The following RPS6KA6 variants were observed in gnomAD, a reference collection of about 807,000 sequenced individuals.
The protein encoded by RPS6KA6 is ribosomal protein S6 kinase A6.
RPS6KA6 carries 27 observed loss-of-function variants against 65.4 expected under a neutral mutation model. The observed-to-expected ratio is 0.41, with a 90% CI of 0.30 to 0.57. The LOEUF is 0.57. Ranked by LOEUF, RPS6KA6 falls within the 20% of genes least tolerant of loss-of-function variation. The pLI is 0.24. For missense variants in RPS6KA6, 486 were observed against 555.6 expected (o/e 0.87, Z 1.26); for synonymous variants, 190 against 184.2 (o/e 1.03, Z -0.26).
chrX:84,065,134 GTATA>G, intron 20 of RPS6KA6, 23 bp from the exon 21 acceptor site: 3 of 1,064,365 alleles, frequency 2.8e-6, no homozygotes, highest in Non-Finnish European at 3.9e-6. Context: ...AAATGTGTGT[GTATA>G]TATATATACA....
chrX:84,127,019 A>T (rs2147493857), intron 8 of RPS6KA6, among the ~76,000 whole-genome samples: 1 of 111,858 alleles, frequency 8.9e-6, no homozygotes, highest in African/African-American at 3.2e-5. Flanking sequence ...TGAGGAAAAT[A>T]ATATAAAAGA....
In RPS6KA6 at chrX:84,164,407, A is replaced by T. The variant is rs1210739001; in HGVS notation, c.82-20T>A. ...ATTTACCTGAAAAACATTGTTCAAA[A>T]ATTGAGGTTCAAAAGTATTAAAACA... On this transcript the variant is annotated intron_variant, in intron 1 of 21. Coordinates refer to ENST00000262752, the MANE Select transcript of RPS6KA6 (RefSeq NM_014496.5). The T allele has an allele frequency of 3.5e-6, 4 of 1,129,962 alleles. No individual in the cohort carries two copies. Among genetic ancestry groups the T allele is most frequent in the Non-Finnish European group, 4.8e-6 (4 of 825,452 alleles). The allele number at this position is 1,129,962 out of a possible 1,213,427, so 93.1% of individuals were successfully genotyped here.
At chrX:84,085,702 TAGGG>T (rs1325863319) in intron 20 of RPS6KA6, among the ~76,000 whole-genome samples, 2 of 112,065 alleles carry the variant, frequency 1.8e-5, no homozygotes, top group Non-Finnish European at 3.8e-5. Context: ...TAAAATGAGT[TAGGG>T]AGGAGTCCCT....
At chrX:84,184,864 T>G in intron 1 of RPS6KA6, among the ~76,000 whole-genome samples, 1 of 103,591 alleles carries the variant, frequency 9.7e-6, no homozygotes, top group Admixed American at 1.0e-4. Flanking sequence ...CTAACTTGCT[T>G]AAATAAAAAC....
intron 20 of RPS6KA6, among the ~76,000 whole-genome samples, chrX:84,071,404 T>G (rs766002836): frequency 1.8e-5 from 2 of 111,059 alleles, no homozygotes; most frequent in African/African-American, 6.5e-5. Context: ...ACAGAGTATT[T>G]AGAAGCACCT....
chrX:84,065,127 T>C lies in RPS6KA6; in HGVS notation c.1972-16A>G. The C allele has an allele frequency of 8.9e-7, 1 of 1,127,326 alleles. No individual in the cohort carries two copies. Among genetic ancestry groups the C allele is most frequent in the Non-Finnish European group, 1.2e-6 (1 of 827,206 alleles). 92.9% of individuals were successfully genotyped at this position (1,127,326 alleles called of 1,213,427 possible). ...AAAGCAAATCCTAAATTAAAAAAAA[T>C]GTGTGTGTATATATATATACATGTA... On this transcript the variant is annotated splice_polypyrimidine_tract_variant and intron_variant, in intron 20 of 21. Transcript: ENST00000262752.
rs769518449 is a variant in RPS6KA6, at chrX:84,102,387, T to G, written c.1615-189A>C. Reference sequence around the variant, plus strand: ...TACACAGGAAATTATGTCTGTCAGATAGATGTTCCAGTTTCTATTGTCTCA... The same window carrying G: ...TACACAGGAAATTATGTCTGTCAGAGAGATGTTCCAGTTTCTATTGTCTCA... On this transcript the variant is annotated intron_variant, in intron 17 of 21. Coordinates refer to ENST00000262752, the MANE Select transcript of RPS6KA6 (RefSeq NM_014496.5). Among the ~76,000 whole-genome samples, 70 of 111,006 alleles carry G rather than the reference T, an allele frequency of 6.3e-4. 1 individual carries two copies. The highest frequency in any genetic ancestry group is 1.0e-3 in the Non-Finnish European group (55 of 52,713).
Position 84,121,537 on chromosome X carries a change from G to A in RPS6KA6, c.647-1510C>T, listed in dbSNP as rs765012061. On this transcript the variant is annotated intron_variant, in intron 8 of 21. Coordinates refer to ENST00000262752, the MANE Select transcript of RPS6KA6 (RefSeq NM_014496.5). Reference sequence around the variant, plus strand: ...GCCCCTTGCCTCCTTTTCCCCATAAGTTCTGTGGTTTATATACTATGGATT... The same window carrying A: ...GCCCCTTGCCTCCTTTTCCCCATAAATTCTGTGGTTTATATACTATGGATT... Among the ~76,000 whole-genome samples, 7 of 111,909 alleles carry A rather than the reference G, an allele frequency of 6.3e-5. No homozygotes were observed. In the East Asian group the frequency reaches 2.0e-3, roughly 31 times the overall value.
At chrX:84,084,376 T>A (rs1423997989) in intron 20 of RPS6KA6, among the ~76,000 whole-genome samples, 2 of 112,006 alleles carry the variant, frequency 1.8e-5, no homozygotes, top group Non-Finnish European at 3.8e-5. Context: ...CCATCTAGAG[T>A]TAATTTTTGT....
chrX:84,165,191 GA>G (rs2035577805), intron 1 of RPS6KA6, among the ~76,000 whole-genome samples: 1 of 109,637 alleles, frequency 9.1e-6, no homozygotes, highest in South Asian at 3.9e-4. Context: ...GCCAAACACT[GA>G]ACTAAGATGT....
In RPS6KA6 at chrX:84,180,016, T is replaced by C. The variant is rs184402925; in HGVS notation, c.81+7803A>G. ...CAATTAGTACAATTTCTTTAACACA[T>C]ACACCAAACCTCTCTCATTTTAAGA... On this transcript the variant is annotated intron_variant, in intron 1 of 21. Coordinates refer to ENST00000262752, the MANE Select transcript of RPS6KA6 (RefSeq NM_014496.5). Among the ~76,000 whole-genome samples the C allele has an allele frequency of 2.1e-3, 240 of 111,777 alleles. 1 individual carries two copies. The highest frequency in any genetic ancestry group is 7.3e-3 in the African/African-American group (227 of 30,902).
intron 6 of RPS6KA6, among the ~76,000 whole-genome samples, chrX:84,138,445 C>T (rs1041426400): frequency 2.7e-5 from 3 of 110,344 alleles, no homozygotes; most frequent in Admixed American, 9.7e-5. Flanking sequence ...CCAAGCTATT[C>T]GGGAGGCGGA....
chrX:84,107,719 A>G lies in RPS6KA6; in HGVS notation c.1015T>C (p.Tyr339His), dbSNP rs1158794270. The G allele has an allele frequency of 1.8e-6, 2 of 1,114,541 alleles. No individual in the cohort carries two copies. The highest frequency in any genetic ancestry group is 1.9e-5 in the South Asian group (1 of 52,162). 91.9% of individuals were successfully genotyped at this position (1,114,541 alleles called of 1,213,427 possible). A position where few individuals can be genotyped will look rare whatever the true frequency, so the allele number is the denominator to read the frequency against. ...AAAGGAGGTTGAACTTCTCTTTTAT[A>G]TAATTTCTAGAAGGGACAACCAGAT... ...FFANIDWDKL[Y>H]KREVQPPFKP... Residue 339 changes from tyrosine (Y) to histidine (H), a missense_variant, in exon 13 of 22, where the codon TAT becomes CAT. Coordinates refer to ENST00000262752, the MANE Select transcript of RPS6KA6 (RefSeq NM_014496.5).
chrX:84,160,006 T>G (rs1472350402), intron 2 of RPS6KA6, among the ~76,000 whole-genome samples: 6 of 111,221 alleles, frequency 5.4e-5, no homozygotes, highest in African/African-American at 2.0e-4. Context: ...TTTCTGCTGT[T>G]TAAGCCACCC....
chrX:84,162,839 C>A (rs1473923804), intron 2 of RPS6KA6, among the ~76,000 whole-genome samples: 1 of 111,997 alleles, frequency 8.9e-6, no homozygotes, highest in Non-Finnish European at 1.9e-5. Flanking sequence ...GTAGACAAAT[C>A]TCTAGATAAT....
chrX:84,168,075 T>C, intron 1 of RPS6KA6, among the ~76,000 whole-genome samples: 1 of 111,807 alleles, frequency 8.9e-6, no homozygotes, highest in Non-Finnish European at 1.9e-5. Flanking sequence ...CATTATCTTA[T>C]TTGATCTCTC....
intron 1 of RPS6KA6, among the ~76,000 whole-genome samples, chrX:84,174,540 C>T (rs1407154100): frequency 8.9e-6 from 1 of 111,799 alleles, no homozygotes; most frequent in East Asian, 2.8e-4. Flanking sequence ...GTTGTAAAAG[C>T]AGTTAGCTGG....
intron 20 of RPS6KA6, among the ~76,000 whole-genome samples, chrX:84,070,432 T>C (rs745983829): frequency 9.1e-6 from 1 of 110,438 alleles, no homozygotes; most frequent in African/African-American, 3.3e-5. Flanking sequence ...TTAGGACAGA[T>C]ACCTAATGCT....
intron 5 of RPS6KA6, 89 bp downstream of exon 5, chrX:84,146,884 TTATAG>T (rs2147548834): frequency 6.5e-6 from 3 of 461,588 alleles, no homozygotes; most frequent in Non-Finnish European, 7.0e-6. Context: ...TTATTTCCTG[TTATAG>T]TATTGTGTGA....
Sources: allele counts gnomAD v4.1 joint callset (sites outside exome capture counted in the v4.1 genomes callset), GRCh38; gene constraint gnomAD v4.1.1; transcripts MANE v1.5; gene names NCBI Gene and HGNC (gene_info 2026-07-23, HGNC 2026-07-21).